The following LRRC4C variants were observed in gnomAD, a reference collection of about 807,000 sequenced individuals.
LRRC4C encodes leucine rich repeat containing 4C.
Under a neutral mutation model 33.6 loss-of-function variants are expected in LRRC4C, and 5 were observed. That is an observed-to-expected ratio of 0.15 (90% CI 0.08 to 0.31). LRRC4C has a LOEUF of 0.31. Among genes scored for constraint, LRRC4C ranks in the 10% least tolerant of loss-of-function variants. The pLI, the probability that LRRC4C is intolerant of heterozygous loss-of-function variation, is 1.00. For missense variants in LRRC4C, 560 were observed against 796.7 expected (o/e 0.70, Z 3.58); for synonymous variants, 329 against 302.0 (o/e 1.09, Z -0.93).
chr11:40,479,861 G>C (rs1953454077), intron 3 of LRRC4C, among the ~76,000 whole-genome samples: 1 of 152,126 alleles, frequency 6.6e-6, no homozygotes, highest in African/African-American at 2.4e-5. Flanking sequence ...GTTCAGACCA[G>C]ATGTCTTCCT....
chr11:40,637,353 A>C (rs544233572), intron 3 of LRRC4C, among the ~76,000 whole-genome samples: 1 of 152,380 alleles, frequency 6.6e-6, no homozygotes, highest in Non-Finnish European at 1.5e-5. Flanking sequence ...GATAAGATCA[A>C]GTGACTAAGT....
intron 1 of LRRC4C, among the ~76,000 whole-genome samples, chr11:40,997,864 C>G (rs746987108): frequency 6.6e-6 from 1 of 152,044 alleles, no homozygotes; most frequent in African/African-American, 2.4e-5. Flanking sequence ...CTTCAAGGAG[C>G]CTTTTTAAGG....
chr11:41,121,896 G>A (rs1942452034), intron 1 of LRRC4C, among the ~76,000 whole-genome samples: 1 of 150,974 alleles, frequency 6.6e-6, no homozygotes. Context: ...GTCTGCCTGA[G>A]GACTAAATGC....
chr11:40,673,614 T>G (rs955349386), intron 2 of LRRC4C, among the ~76,000 whole-genome samples: 2 of 152,194 alleles, frequency 1.3e-5, no homozygotes, highest in Non-Finnish European at 2.9e-5. Flanking sequence ...TATACAGTAG[T>G]TCACAAGCTT....
intron 2 of LRRC4C, among the ~76,000 whole-genome samples, chr11:40,660,308 G>A (rs983405236): frequency 1.3e-5 from 2 of 152,192 alleles, no homozygotes; most frequent in East Asian, 3.9e-4. Context: ...ATGGGATCTA[G>A]GCCAGCAGCA....
intron 1 of LRRC4C, among the ~76,000 whole-genome samples, chr11:41,053,359 A>G (rs1365444936): frequency 2.6e-5 from 4 of 152,222 alleles, no homozygotes; most frequent in Non-Finnish European, 4.4e-5. Flanking sequence ...GGCTAACAGC[A>G]AGAAACTAAT....
chr11:40,962,518 A>C (rs1851046926), intron 1 of LRRC4C, among the ~76,000 whole-genome samples: 1 of 151,750 alleles, frequency 6.6e-6, no homozygotes, highest in Non-Finnish European at 1.5e-5. Flanking sequence ...AACTATCTTC[A>C]GCTAGGGCAG....
chr11:40,781,248 T>C (rs1001990743), intron 2 of LRRC4C, among the ~76,000 whole-genome samples: 2 of 152,184 alleles, frequency 1.3e-5, no homozygotes, highest in Non-Finnish European at 2.9e-5. Context: ...AGCACTATCA[T>C]TGTATATGCA....
intron 2 of LRRC4C, among the ~76,000 whole-genome samples, chr11:40,860,505 C>G (rs969368233): frequency 2.0e-5 from 3 of 152,112 alleles, no homozygotes; most frequent in African/African-American, 7.2e-5. Flanking sequence ...TCCTTCCTTG[C>G]CTTCTAGTCT....
At chr11:41,368,578 G>T (rs1156713762) in intron 1 of LRRC4C, among the ~76,000 whole-genome samples, 2 of 152,154 alleles carry the variant, frequency 1.3e-5, no homozygotes, top group African/African-American at 2.4e-5. Flanking sequence ...TTTAGCTGAG[G>T]TTCTGAATGC....
intron 2 of LRRC4C, among the ~76,000 whole-genome samples, chr11:40,781,851 G>T (rs1196451894): frequency 3.9e-5 from 6 of 152,120 alleles, no homozygotes; most frequent in African/African-American, 9.7e-5. Context: ...TAAAGTCAAG[G>T]CTTGGTAACG....
rs528878782 is a variant in LRRC4C, at chr11:40,208,588, C to T, written c.-96+32931G>A. On this transcript the variant is annotated intron_variant, in intron 5 of 6. Coordinates refer to ENST00000528697, the MANE Select transcript of LRRC4C (RefSeq NM_001258419.2). ...AAAACAAGCAGGGGAAAAAAAAGCC[C>T]TGACAACTGAAAGCTATTTTTCCAA... 4.6e-5 allele frequency among the ~76,000 whole-genome samples: 7 copies of T among 152,202 alleles called. No homozygotes were observed. The South Asian group carries it at 1.4e-3, about 31-fold the overall frequency.
Position 40,626,921 on chromosome 11 carries a change from T to G in LRRC4C, c.-270+21221A>C, listed in dbSNP as rs192932832. ...GTTTGCAAATGATAATCCAGATATC[T>G]TCTCCTCTTTATGTAACAACGATTT... On this transcript the variant is annotated intron_variant, in intron 3 of 6. Transcript: ENST00000528697. Among the ~76,000 whole-genome samples, 31 of 152,304 alleles carry G rather than the reference T, an allele frequency of 2.0e-4. 1 individual carries two copies. The East Asian group carries it at 5.0e-3, about 25-fold the overall frequency.
At chr11:41,120,653 G>A (rs913484239) in intron 1 of LRRC4C, among the ~76,000 whole-genome samples, 6 of 152,142 alleles carry the variant, frequency 3.9e-5, no homozygotes, top group Non-Finnish European at 1.5e-5. Flanking sequence ...ATGAGTTCTT[G>A]TAGCCACTCA....
At chr11:41,021,832 C>T (rs932671746) in intron 1 of LRRC4C, among the ~76,000 whole-genome samples, 4 of 151,858 alleles carry the variant, frequency 2.6e-5, no homozygotes, top group Non-Finnish European at 5.9e-5. Flanking sequence ...GGTGTCATAT[C>T]GTCATTATGT....
intron 1 of LRRC4C, among the ~76,000 whole-genome samples, chr11:41,071,518 G>A (rs1938681915): frequency 6.6e-6 from 1 of 152,130 alleles, no homozygotes; most frequent in Non-Finnish European, 1.5e-5. Context: ...AAACAGCAAA[G>A]CCTAGATGAA....
At chr11:41,026,379 G>A (rs1856360089) in intron 1 of LRRC4C, among the ~76,000 whole-genome samples, 1 of 151,474 alleles carries the variant, frequency 6.6e-6, no homozygotes, top group South Asian at 2.1e-4. Flanking sequence ...AATCAAAAGT[G>A]GTGCCTGAAA....
chr11:41,433,346 A>G (rs1955308574), intron 1 of LRRC4C, among the ~76,000 whole-genome samples: 1 of 152,154 alleles, frequency 6.6e-6, no homozygotes, highest in African/African-American at 2.4e-5. Context: ...TTTTCATGAT[A>G]TGTTTAAATC....
intron 2 of LRRC4C, among the ~76,000 whole-genome samples, chr11:40,749,975 A>C (rs897683156): frequency 6.6e-6 from 1 of 152,156 alleles, no homozygotes; most frequent in Non-Finnish European, 1.5e-5. Flanking sequence ...ATTAGTAACG[A>C]CATTGAATCA....
Sources: gnomAD v4.1 joint callset for allele counts (sites outside exome capture counted in the v4.1 genomes callset) on GRCh38, gnomAD v4.1.1 for gene constraint, MANE v1.5 for transcripts, NCBI Gene and HGNC (gene_info 2026-07-23, HGNC 2026-07-21) for gene names.